PIGN: variants seen among roughly 807,000 people sequenced by gnomAD.
PIGN encodes the protein GPI ethanolamine phosphate transferase 1.
Under a neutral mutation model 125.4 loss-of-function variants are expected in PIGN, and 117 were observed. The ratio of observed to expected loss-of-function variants is 0.93; its 90% CI spans 0.80 to 1.09. The LOEUF is 1.09. PIGN is among the 50% of genes least tolerant of loss of function. PIGN has a pLI of 0.00. For synonymous variants in PIGN, 392 were observed against 377.8 expected, an observed-to-expected ratio of 1.04 and a Z score of -0.44; for missense variants, 1,075 against 1,094.9, an observed-to-expected ratio of 0.98 and a Z score of 0.26.
intron 14 of PIGN, among the ~76,000 whole-genome samples, chr18:62,132,538 A>G (rs996890435): frequency 3.9e-5 from 6 of 152,170 alleles, no homozygotes; most frequent in Non-Finnish European, 8.8e-5. Context: ...TGTAACTGAT[A>G]TAATTAATAA....
At chr18:62,096,477 G>C (rs1311976744) in intron 22 of PIGN, among the ~76,000 whole-genome samples, 2 of 138,952 alleles carry the variant, frequency 1.4e-5, no homozygotes, top group Non-Finnish European at 3.0e-5. Context: ...ATTCAGCCCA[G>C]ATAACTATAA....
chr18:62,110,520 G>C (rs541016033), intron 16 of PIGN, among the ~76,000 whole-genome samples: 1 of 152,248 alleles, frequency 6.6e-6, no homozygotes, highest in Admixed American at 6.5e-5. Flanking sequence ...ACTAGTGATA[G>C]TCTGCATGGT....
chr18:62,185,992 A>C (rs2037952324), intron 1 of PIGN, among the ~76,000 whole-genome samples: 1 of 151,770 alleles, frequency 6.6e-6, no homozygotes, highest in Non-Finnish European at 1.5e-5. Flanking sequence ...ATCGTTTGGG[A>C]CATAAGAGAA....
intron 29 of PIGN, among the ~76,000 whole-genome samples, chr18:62,073,183 G>GTA (rs1715676089): frequency 9.5e-6 from 1 of 104,746 alleles, no homozygotes; most frequent in African/African-American, 2.7e-5. Context: ...GTGTGTGTGT[G>GTA]TGTGTGTGTG....
At chr18:62,171,647 T>C (rs1336237316) in intron 1 of PIGN, among the ~76,000 whole-genome samples, 1 of 152,166 alleles carries the variant, frequency 6.6e-6, no homozygotes, top group Non-Finnish European at 1.5e-5. Flanking sequence ...CTTTAAATCA[T>C]GAATGGATGT....
intron 7 of PIGN, among the ~76,000 whole-genome samples, chr18:62,151,842 T>C (rs2036547244): frequency 6.6e-6 from 1 of 152,202 alleles, no homozygotes; most frequent in Non-Finnish European, 1.5e-5. Context: ...CTTGTGCCAG[T>C]AACATACCTA....
chr18:62,057,782 C>T (rs1367274488), intron 30 of PIGN, among the ~76,000 whole-genome samples: 2 of 152,228 alleles, frequency 1.3e-5, no homozygotes, highest in Admixed American at 1.3e-4. Context: ...ACCATTCTAG[C>T]TACACTAACT....
chr18:62,146,911 A>G lies in PIGN; in HGVS notation c.805+60T>C, dbSNP rs1049659960. 2.2e-5 allele frequency: 33 copies of G among 1,531,784 alleles called. No individual in the cohort carries two copies. The African/African-American group carries it at 4.1e-4, about 19-fold the overall frequency. 94.9% of individuals were successfully genotyped at this position (1,531,784 alleles called of 1,614,324 possible). On this transcript the variant is annotated intron_variant, in intron 9 of 30. Coordinates refer to ENST00000640252, the MANE Select transcript of PIGN (RefSeq NM_176787.5). ...ATCCTCTCAACATCATAAAATATTT[A>G]CCAGCTACATTTATCACTACTTTAA...
At position 62,054,489 on chromosome 18, in the gene PIGN, A is replaced by ATTTTTT. The variant is rs367909088; in HGVS notation, c.2673-8516_2673-8511dup. ...TCAACAAAATACTTTTTTTTTTCCT[A>ATTTTTT]TTTTTTTTTTTTTTTTTTTTTAGGC... is the stretch of plus-strand genomic sequence containing the variant. On this transcript the variant is annotated intron_variant, in intron 30 of 30. Transcript: ENST00000640252. Among the ~76,000 whole-genome samples, 44 of 117,284 alleles carry ATTTTTT rather than the reference A, an allele frequency of 3.8e-4. No individual in the cohort carries two copies. In the South Asian group the frequency reaches 6.1e-3, roughly 16 times the overall value. 76.9% of individuals were successfully genotyped at this position (117,284 alleles called of 152,430 possible).
intron 7 of PIGN, among the ~76,000 whole-genome samples, chr18:62,152,774 C>T (rs1006102521): frequency 6.6e-6 from 1 of 151,886 alleles, no homozygotes; most frequent in African/African-American, 2.4e-5. Context: ...TCAAAAGAAT[C>T]GTAAGTTAAA....
chr18:62,020,048 G>A (rs2030034434), intron 23 of PIGN, among the ~76,000 whole-genome samples: 1 of 152,230 alleles, frequency 6.6e-6, no homozygotes, highest in Admixed American at 6.5e-5. Context: ...TATCTGCATA[G>A]GGGTGTCCTG....
chr18:62,070,154 G>A (rs2032760407), intron 30 of PIGN: 2 of 363,574 alleles, frequency 5.5e-6, no homozygotes, highest in African/African-American at 4.2e-5. Flanking sequence ...AAGAGAAACG[G>A]GGGGCTTAGA....
chr18:62,149,525 G>T (rs1340689229), intron 7 of PIGN, among the ~76,000 whole-genome samples: 1 of 152,184 alleles, frequency 6.6e-6, no homozygotes, highest in African/African-American at 2.4e-5. Flanking sequence ...CTGGCAGCTA[G>T]ATGTGCCTAT....
chr18:62,067,674 A>G (rs1651599529), intron 30 of PIGN, among the ~76,000 whole-genome samples: 1 of 152,200 alleles, frequency 6.6e-6, no homozygotes, highest in African/African-American at 2.4e-5. Context: ...TTTATAGGTA[A>G]GTAATATCCC....
At chr18:62,062,882 C>CTTTTTT (rs71160811) in intron 30 of PIGN, among the ~76,000 whole-genome samples, 10 of 21,058 alleles carry the variant, frequency 4.7e-4, no homozygotes, top group East Asian at 1.6e-3. Context: ...TTGTATTCTG[C>CTTTTTT]TTTTTTTTTT....
intron 4 of PIGN, among the ~76,000 whole-genome samples, chr18:62,159,896 G>C (rs1172025130): frequency 6.6e-6 from 1 of 152,206 alleles, no homozygotes; most frequent in Non-Finnish European, 1.5e-5. Flanking sequence ...GGTGGATCAT[G>C]AGGTCAGGAG....
intron 11 of PIGN, among the ~76,000 whole-genome samples, chr18:62,142,037 T>G (rs902112990): frequency 6.6e-6 from 1 of 152,212 alleles, no homozygotes; most frequent in Non-Finnish European, 1.5e-5. Context: ...GTCTATCATA[T>G]ACATCCACTC....
intron 11 of PIGN, among the ~76,000 whole-genome samples, chr18:62,141,889 T>C (rs949967757): frequency 2.6e-5 from 4 of 152,196 alleles, no homozygotes; most frequent in Non-Finnish European, 5.9e-5. Flanking sequence ...ATACACCATG[T>C]ACCCTCTCAC....
At chr18:62,101,464 G>C (rs1294432048) in intron 21 of PIGN, among the ~76,000 whole-genome samples, 1 of 152,180 alleles carries the variant, frequency 6.6e-6, no homozygotes, top group Non-Finnish European at 1.5e-5. Flanking sequence ...GAGAGATTCA[G>C]AAACATTCAC....
Sources: allele counts gnomAD v4.1 joint callset (sites outside exome capture counted in the v4.1 genomes callset), GRCh38; gene constraint gnomAD v4.1.1; transcripts MANE v1.5; gene names NCBI Gene and HGNC (gene_info 2026-07-23, HGNC 2026-07-21).